The following SH2B2 variants were observed in gnomAD, a reference collection of about 807,000 sequenced individuals.
SH2B2 encodes the protein SH2B adaptor protein 2, also known as SH2B adapter protein 2.
SH2B2 carries 37 observed loss-of-function variants against 35.7 expected under a neutral mutation model. The observed-to-expected ratio is 1.04, with a 90% CI of 0.80 to 1.36. SH2B2 has a LOEUF of 1.36. SH2B2 is among the 40% of genes most tolerant of loss of function. The pLI is 0.00. For synonymous variants in SH2B2, 383 were observed against 376.4 expected, an observed-to-expected ratio of 1.02 and a Z score of -0.20; for missense variants, 852 against 817.7, an observed-to-expected ratio of 1.04 and a Z score of -0.51.
chr7:102,315,516 A>G (rs1413151557), intron 6 of SH2B2, among the ~76,000 whole-genome samples: 1 of 151,750 alleles, frequency 6.6e-6, no homozygotes, highest in Admixed American at 6.6e-5. Flanking sequence ...TTTGGTAGAG[A>G]TGGGGTTTTG....
chr7:102,303,413 C>A (rs1450538789), intron 2 of SH2B2, among the ~76,000 whole-genome samples: 1 of 152,148 alleles, frequency 6.6e-6, no homozygotes, highest in Non-Finnish European at 1.5e-5. Flanking sequence ...CCACTCTGTC[C>A]CTGGGTGCTC....
intron 2 of SH2B2, among the ~76,000 whole-genome samples, chr7:102,303,877 C>T (rs571171630): frequency 6.6e-6 from 1 of 152,254 alleles, no homozygotes; most frequent in East Asian, 1.9e-4. Flanking sequence ...CCCCGCCCCA[C>T]TCCACCGCTT....
intron 1 of SH2B2, among the ~76,000 whole-genome samples, chr7:102,288,064 T>G (rs1792523724): frequency 6.6e-6 from 1 of 152,130 alleles, no homozygotes; most frequent in Non-Finnish European, 1.5e-5. Flanking sequence ...GCCTCCTGGC[T>G]AAGGGACCGG....
At chr7:102,289,367 A>T (rs1273568855) in intron 1 of SH2B2, among the ~76,000 whole-genome samples, 3 of 152,052 alleles carry the variant, frequency 2.0e-5, no homozygotes, top group African/African-American at 7.2e-5. Flanking sequence ...GAAGAGGATC[A>T]AGGGGCGTTC....
At chr7:102,318,003 G>C (rs1180011551) in intron 7 of SH2B2, among the ~76,000 whole-genome samples, 1 of 152,164 alleles carries the variant, frequency 6.6e-6, no homozygotes, top group Admixed American at 6.5e-5. Context: ...TGCAGGGGAG[G>C]GAGAATTGTG....
intron 1 of SH2B2, among the ~76,000 whole-genome samples, chr7:102,295,836 C>A (rs1792890180): frequency 6.6e-6 from 1 of 152,114 alleles, no homozygotes; most frequent in Non-Finnish European, 1.5e-5. Flanking sequence ...ATGAGCAAAG[C>A]TCGTGGGTTC....
Position 102,317,260 on chromosome 7 carries a change from G to T in SH2B2, c.1260G>T (p.Gly420=). Reference sequence around the variant, plus strand: ...TATCCGACTACCCATGGTTCCACGGGACACTGTCCCGGGTCAAGGCTGCTC... The same window carrying T: ...TATCCGACTACCCATGGTTCCACGGTACACTGTCCCGGGTCAAGGCTGCTC... The part of the protein sequence containing the change: ...LELSDYPWFH[G]TLSRVKAAQL... Residue 420 remains glycine (G), a synonymous_variant, in exon 7 of 9, where the codon GGG becomes GGT. Transcript: ENST00000444095. The T allele has an allele frequency of 6.2e-7, 1 of 1,613,624 alleles. No homozygotes were observed. The highest frequency in any genetic ancestry group is 1.1e-5 in the South Asian group (1 of 90,984).
At chr7:102,317,720 GA>G (rs1563569318) in intron 7 of SH2B2, among the ~76,000 whole-genome samples, 1 of 152,158 alleles carries the variant, frequency 6.6e-6, no homozygotes, top group Non-Finnish European at 1.5e-5. Flanking sequence ...GCGCGCGGGG[GA>G]TCTCATAGCA....
At chr7:102,306,468 C>T (rs533984708) in intron 2 of SH2B2, among the ~76,000 whole-genome samples, 2 of 152,352 alleles carry the variant, frequency 1.3e-5, no homozygotes, top group East Asian at 3.9e-4. Context: ...AGGCCATCCT[C>T]CTGCCTCGGC....
At chr7:102,296,382 A>C (rs1469129641) in intron 1 of SH2B2, among the ~76,000 whole-genome samples, 1 of 152,216 alleles carries the variant, frequency 6.6e-6, no homozygotes, top group African/African-American at 2.4e-5. Flanking sequence ...AGGCGAGGGC[A>C]TGATCCTCTA....
At chr7:102,316,842 A>G (rs559319979) in intron 6 of SH2B2, among the ~76,000 whole-genome samples, 2 of 152,114 alleles carry the variant, frequency 1.3e-5, no homozygotes, top group African/African-American at 4.8e-5. Flanking sequence ...AACACAGTGA[A>G]ACCCCATCTC....
At chr7:102,299,889 C>T (rs1793077264) in intron 1 of SH2B2, among the ~76,000 whole-genome samples, 1 of 152,190 alleles carries the variant, frequency 6.6e-6, no homozygotes, top group African/African-American at 2.4e-5. Context: ...CAGGACTGCC[C>T]CTTCTGCAGA....
intron 2 of SH2B2, among the ~76,000 whole-genome samples, chr7:102,305,558 G>A (rs1793359660): frequency 6.6e-6 from 1 of 152,114 alleles, no homozygotes; most frequent in Non-Finnish European, 1.5e-5. Context: ...ACCACACCCA[G>A]CCAAGACCAG....
At chr7:102,300,324 C>T (rs1793094151) in intron 1 of SH2B2, among the ~76,000 whole-genome samples, 198 bp from the exon 2 acceptor site, 1 of 152,170 alleles carries the variant, frequency 6.6e-6, no homozygotes, top group South Asian at 2.1e-4. Flanking sequence ...GCCACCGCGC[C>T]CGGCCCCAGT....
chr7:102,313,130 TAA>T (rs1206179173), intron 4 of SH2B2, among the ~76,000 whole-genome samples: 53 of 94,882 alleles, frequency 5.6e-4, no homozygotes, highest in South Asian at 1.7e-3. Context: ...AAACTCTGTC[TAA>T]AAAAAAAAAA....
Position 102,314,651 on chromosome 7 carries a change from G to A in SH2B2, c.1155G>A (p.Pro385=), listed in dbSNP as rs985135598. The A allele has an allele frequency of 5.8e-5, 23 of 398,496 alleles. No homozygotes were observed. Among genetic ancestry groups the A allele is most frequent in the East Asian group, 7.1e-5 (2 of 28,074 alleles). 24.7% of individuals were successfully genotyped at this position (398,496 alleles called of 1,614,324 possible). Residue 385 remains proline (P), a synonymous_variant, in exon 6 of 9, where the codon CCG becomes CCA. Coordinates refer to ENST00000444095, the MANE Select transcript of SH2B2 (RefSeq NM_001359228.2). ...CCTTTCTGCAGACCCTGGAATCCCC[G>A]GGCGGCAGCGGCAGTGACAGCAATA... ...LETFLQTLES[P]GGSGSDSNNT... is the part of the protein sequence containing the mutation.
At chr7:102,314,073 T>A (rs1793724332) in intron 4 of SH2B2, among the ~76,000 whole-genome samples, 1 of 152,152 alleles carries the variant, frequency 6.6e-6, no homozygotes, top group African/African-American at 2.4e-5. Flanking sequence ...AGAGAAAAAC[T>A]TTTTTGTTCG....
At chr7:102,318,645 G>T (rs1367177353) in intron 7 of SH2B2, among the ~76,000 whole-genome samples, 1 of 152,160 alleles carries the variant, frequency 6.6e-6, no homozygotes. Context: ...CCTGCTCCAG[G>T]CCTGCAGCTG....
At chr7:102,309,485 T>C in intron 4 of SH2B2, 1 of 308,196 alleles carries the variant, frequency 3.2e-6, no homozygotes, top group South Asian at 2.6e-5. Flanking sequence ...CTCAGCCTCC[T>C]AAGTAGCTGT....
Sources: gnomAD v4.1 joint callset for allele counts (sites outside exome capture counted in the v4.1 genomes callset) on GRCh38, gnomAD v4.1.1 for gene constraint, MANE v1.5 for transcripts, NCBI Gene and HGNC (gene_info 2026-07-23, HGNC 2026-07-21) for gene names.